The following ARHGAP26 variants were observed in gnomAD, a reference collection of about 807,000 sequenced individuals.
The protein encoded by ARHGAP26 is Rho GTPase activating protein 26.
Under a neutral mutation model 104.8 loss-of-function variants are expected in ARHGAP26, and 38 were observed. The observed-to-expected ratio is 0.36, with a 90% CI of 0.28 to 0.48. The LOEUF is 0.48. Ranked by LOEUF, ARHGAP26 falls within the 20% of genes least tolerant of loss-of-function variation. The probability of loss-of-function intolerance (pLI) is 0.99; values close to 1 mark genes in which losing one functional copy is unlikely to be tolerated. For synonymous variants in ARHGAP26, 341 were observed against 340.0 expected (o/e 1.00, Z -0.03); for missense variants, 704 against 947.9 (o/e 0.74, Z 3.38).
chr5:143,104,011 C>T (rs1254063085), intron 17 of ARHGAP26, among the ~76,000 whole-genome samples: 5 of 148,504 alleles, frequency 3.4e-5, no homozygotes, highest in African/African-American at 1.3e-4. Flanking sequence ...TTTGTTACAA[C>T]ATGGATAGAC....
chr5:143,218,922 C>T (rs1219836562), intron 22 of ARHGAP26, among the ~76,000 whole-genome samples: 1 of 152,188 alleles, frequency 6.6e-6, no homozygotes, highest in East Asian at 1.9e-4. Flanking sequence ...TTAATTTTGG[C>T]CAAGATGCTT....
At chr5:143,189,106 T>G (rs773016013) in intron 20 of ARHGAP26, among the ~76,000 whole-genome samples, 2 of 152,252 alleles carry the variant, frequency 1.3e-5, no homozygotes, top group Non-Finnish European at 2.9e-5. Context: ...TTTGCTGTTA[T>G]CAGCTACTAC....
At chr5:143,022,420 T>C (rs1360533408) in intron 12 of ARHGAP26, among the ~76,000 whole-genome samples, 1 of 152,176 alleles carries the variant, frequency 6.6e-6, no homozygotes, top group Non-Finnish European at 1.5e-5. Flanking sequence ...GGGTCCACTT[T>C]TTTTAGTAAA....
chr5:143,200,834 T>A (rs1409726532), intron 20 of ARHGAP26, among the ~76,000 whole-genome samples: 1 of 152,224 alleles, frequency 6.6e-6, no homozygotes, highest in Non-Finnish European at 1.5e-5. Context: ...GGTGTGGAGA[T>A]CAGAGAGGGT....
intron 10 of ARHGAP26, among the ~76,000 whole-genome samples, chr5:142,926,893 T>C (rs1488876269): frequency 6.6e-6 from 1 of 152,190 alleles, no homozygotes; most frequent in African/African-American, 2.4e-5. Flanking sequence ...TTTTGGAGCA[T>C]TCATCGTGTG....
intron 11 of ARHGAP26, among the ~76,000 whole-genome samples, chr5:142,956,817 C>T (rs1769326738): frequency 6.6e-6 from 1 of 152,152 alleles, no homozygotes; most frequent in Non-Finnish European, 1.5e-5. Flanking sequence ...GCACTTCTTA[C>T]ATGGTGGTGG....
intron 6 of ARHGAP26, among the ~76,000 whole-genome samples, chr5:142,894,952 T>C (rs1284428452): frequency 1.3e-5 from 2 of 152,222 alleles, no homozygotes; most frequent in Admixed American, 6.5e-5. Context: ...GAAGATTGCA[T>C]TGTGGGAAAA....
At chr5:142,771,991 T>G (rs529259305) in intron 1 of ARHGAP26, among the ~76,000 whole-genome samples, 1 of 152,338 alleles carries the variant, frequency 6.6e-6, no homozygotes, top group South Asian at 2.1e-4. Flanking sequence ...TGAAGGCAGA[T>G]AGTGGAATTG....
intron 22 of ARHGAP26, among the ~76,000 whole-genome samples, chr5:143,214,893 G>A (rs953584171): frequency 6.6e-6 from 1 of 152,230 alleles, no homozygotes; most frequent in Non-Finnish European, 1.5e-5. Context: ...AAAGCCTCAA[G>A]CACTGTCCTT....
chr5:142,984,696 G>A (rs6896864), intron 11 of ARHGAP26, among the ~76,000 whole-genome samples: 5,302 of 152,038 alleles, frequency 0.035, 319 homozygotes, highest in African/African-American at 0.12. Flanking sequence ...AGATTATAAT[G>A]GAGCTAAAAA....
chr5:143,040,531 C>T (rs1012275897), intron 13 of ARHGAP26, among the ~76,000 whole-genome samples: 1 of 152,142 alleles, frequency 6.6e-6, no homozygotes, highest in African/African-American at 2.4e-5. Context: ...GACACAATTA[C>T]TGTTTACATT....
At chr5:142,964,396 G>A (rs1196379671) in intron 11 of ARHGAP26, among the ~76,000 whole-genome samples, 6 of 152,030 alleles carry the variant, frequency 3.9e-5, no homozygotes, top group Admixed American at 3.3e-4. Flanking sequence ...AAATAAGTGC[G>A]TATCCTACTA....
At chr5:143,053,167 A>G (rs1244463328) in intron 14 of ARHGAP26, among the ~76,000 whole-genome samples, 1 of 152,186 alleles carries the variant, frequency 6.6e-6, no homozygotes, top group African/African-American at 2.4e-5. Flanking sequence ...GCAAACAGCA[A>G]ATATCTGTTC....
chr5:143,128,346 T>C (rs1204265699), intron 18 of ARHGAP26, among the ~76,000 whole-genome samples: 2 of 152,216 alleles, frequency 1.3e-5, no homozygotes, highest in Admixed American at 6.5e-5. Context: ...TCTGGAGATA[T>C]GGAAAATCAC....
intron 1 of ARHGAP26, among the ~76,000 whole-genome samples, chr5:142,793,252 C>CTT (rs56941301): frequency 0.013 from 1,427 of 107,114 alleles, 49 homozygotes; most frequent in African/African-American, 0.045. Context: ...TATCCCTTTG[C>CTT]TTTTTTTTTT....
intron 22 of ARHGAP26, among the ~76,000 whole-genome samples, chr5:143,217,877 A>G (rs1810576141): frequency 6.6e-6 from 1 of 152,096 alleles, no homozygotes; most frequent in Non-Finnish European, 1.5e-5. Context: ...AAATCACATC[A>G]TGTTATTTCC....
chr5:142,944,921 C>T (rs1287329048), intron 11 of ARHGAP26, among the ~76,000 whole-genome samples: 2 of 152,146 alleles, frequency 1.3e-5, no homozygotes, highest in East Asian at 1.9e-4. Flanking sequence ...TGTTTTCTAG[C>T]AGCGCCGCCC....
At chr5:143,105,378 AAAAT>A (rs34365485) in intron 17 of ARHGAP26, among the ~76,000 whole-genome samples, 5,692 of 140,412 alleles carry the variant, frequency 0.041, 334 homozygotes, top group African/African-American at 0.13. Context: ...CTCCATCTCA[AAAAT>A]AAATAAATAA....
chr5:143,214,068 C>T lies in ARHGAP26; in HGVS notation c.2171C>T (p.Ala724Val). Residue 724 changes from alanine to valine, a missense_variant, in exon 22 of 23, where the codon GCA becomes GTA. Physicochemically the swap from Ala to Val is moderately conservative, Grantham distance 64. Around this residue, in one of 6 missense-constraint regions of ARHGAP26, gnomAD observed 217 missense variants for 242.6 expected, o/e 0.89. Transcript: ENST00000645722. Reference sequence around the variant, plus strand: ...CATGACTCAGAACTTTCGTTCACAGCAGGCACGGTCTTCGATAACGGTGAG... The same window carrying T: ...CATGACTCAGAACTTTCGTTCACAGTAGGCACGGTCTTCGATAACGGTGAG... ...AEHDSELSFT[A>V]GTVFDNVHPS... 6.3e-7 allele frequency: 1 copy of T among 1,576,602 alleles called. No homozygotes were observed. Among genetic ancestry groups the T allele is most frequent in the Non-Finnish European group, 8.6e-7 (1 of 1,157,236 alleles).
Sources: allele counts gnomAD v4.1 joint callset (sites outside exome capture counted in the v4.1 genomes callset), GRCh38; gene constraint gnomAD v4.1.1; regional missense constraint gnomAD v4.1.1; transcripts MANE v1.5; gene names NCBI Gene and HGNC (gene_info 2026-07-23, HGNC 2026-07-21).